MAST4: variants seen among roughly 807,000 people sequenced by gnomAD.
The protein encoded by MAST4 is microtubule-associated serine/threonine-protein kinase 4.
MAST4 carries 89 observed loss-of-function variants against 162.7 expected under a neutral mutation model. The observed-to-expected ratio is 0.55, with a 90% CI of 0.46 to 0.65. MAST4 has a LOEUF of 0.65. MAST4 is among the 30% of genes least tolerant of loss of function. MAST4 has a pLI of 0.00. For missense variants in MAST4, 3,153 were observed against 3,374.0 expected (o/e 0.93, Z 1.62); for synonymous variants, 1,479 against 1,361.1 (o/e 1.09, Z -1.91).
intron 1 of MAST4, among the ~76,000 whole-genome samples, chr5:66,680,354 G>T (rs559571104): frequency 6.6e-6 from 1 of 152,292 alleles, no homozygotes; most frequent in Non-Finnish European, 1.5e-5. Context: ...TGCTAACCCT[G>T]TATCTGTGCT....
intron 4 of MAST4, among the ~76,000 whole-genome samples, chr5:67,012,918 T>G (rs1752866853): frequency 6.6e-6 from 1 of 152,142 alleles, no homozygotes; most frequent in Admixed American, 6.5e-5. Flanking sequence ...ATGGTTTTAT[T>G]TTAAAGAAAA....
intron 19 of MAST4, among the ~76,000 whole-genome samples, chr5:67,141,425 C>A (rs1389330686): frequency 6.6e-6 from 1 of 152,060 alleles, no homozygotes; most frequent in Non-Finnish European, 1.5e-5. Flanking sequence ...TTTTTGATGA[C>A]CTGTCCTTTA....
At chr5:66,900,013 C>A (rs770391786) in intron 4 of MAST4, 31 bp downstream of exon 4, 2 of 1,428,370 alleles carry the variant, frequency 1.4e-6, no homozygotes, top group African/African-American at 1.5e-5. Context: ...TCCTTGTTTT[C>A]TTTTTATTAA....
rs1033704325 is a variant in MAST4 at position 67,165,680 on chromosome 5, C to G, written c.6501C>G (p.Pro2167=). 1.3e-6 allele frequency: 2 copies of G among 1,590,682 alleles called. No homozygotes were observed. The highest frequency in any genetic ancestry group is 2.7e-5 in the African/African-American group (2 of 74,242). The change falls in exon 29 of 29, where the codon CCC becomes CCG. Residue 2167 remains proline, a synonymous_variant. Transcript: ENST00000403625. The stretch of plus-strand genomic sequence containing the variant: ...CTGGCAGAGAGCCGGGGGCCAAGCC[C>G]AGCACTGCAGAGCCCAGCTCGAGCC... ...HASGREPGAK[P]STAEPSSSPQ...
At chr5:66,837,048 G>GTGTGTGTGTGTGTGTGTGTGTGTGTGTA (rs1758023705) in intron 3 of MAST4, among the ~76,000 whole-genome samples, 1 of 151,914 alleles carries the variant, frequency 6.6e-6, no homozygotes, top group African/African-American at 2.4e-5. Context: ...GTGTGTGTGT[G>GTGTGTGTGTGTGTGTGTGTGTGTGTGTA]TGTGTATGTA....
At chr5:67,047,213 A>G (rs989533925) in intron 4 of MAST4, among the ~76,000 whole-genome samples, 1 of 152,230 alleles carries the variant, frequency 6.6e-6, no homozygotes, top group African/African-American at 2.4e-5. Context: ...TTCTCTAAAA[A>G]CAAAAGTCAG....
intron 3 of MAST4, among the ~76,000 whole-genome samples, chr5:66,839,762 G>C (rs927790627): frequency 1.3e-5 from 2 of 152,136 alleles, no homozygotes; most frequent in Non-Finnish European, 2.9e-5. Context: ...TGAACAGTGA[G>C]TGAATTTAAA....
At chr5:66,925,943 ATT>A (rs71610545) in intron 4 of MAST4, among the ~76,000 whole-genome samples, 1 of 145,892 alleles carries the variant, frequency 6.9e-6, no homozygotes, top group African/African-American at 2.5e-5. Context: ...GCCTAGTACA[ATT>A]TTTTTTTTTT....
chr5:66,721,101 C>G (rs900564585), intron 1 of MAST4, among the ~76,000 whole-genome samples: 4 of 152,202 alleles, frequency 2.6e-5, no homozygotes, highest in African/African-American at 4.8e-5. Flanking sequence ...CTTACACCAT[C>G]AGACTTTCCT....
At chr5:66,630,215 C>T (rs1166810979) in intron 1 of MAST4, among the ~76,000 whole-genome samples, 1 of 152,166 alleles carries the variant, frequency 6.6e-6, no homozygotes, top group Admixed American at 6.5e-5. Flanking sequence ...AACCACTGCT[C>T]TAGGATGTCA....
intron 1 of MAST4, among the ~76,000 whole-genome samples, chr5:66,612,638 C>T (rs1291645943): frequency 2.0e-5 from 3 of 152,188 alleles, no homozygotes; most frequent in Admixed American, 6.5e-5. Context: ...TGAATGTGCA[C>T]AGTGCACTAT....
chr5:67,108,874 T>G (rs1004447578), intron 10 of MAST4, among the ~76,000 whole-genome samples: 1 of 152,166 alleles, frequency 6.6e-6, no homozygotes, highest in African/African-American at 2.4e-5. Flanking sequence ...TGTTTATTAC[T>G]GTGTTTGTGA....
intron 4 of MAST4, among the ~76,000 whole-genome samples, chr5:66,941,739 A>T (rs1056888363): frequency 6.6e-6 from 1 of 152,152 alleles, no homozygotes; most frequent in East Asian, 1.9e-4. Flanking sequence ...GACATTCCTC[A>T]TGAAACATAA....
At chr5:66,915,711 G>C (rs1406134331) in intron 4 of MAST4, among the ~76,000 whole-genome samples, 1 of 152,112 alleles carries the variant, frequency 6.6e-6, no homozygotes, top group Non-Finnish European at 1.5e-5. Context: ...GGTCAGTGCT[G>C]TCTTGGGGAC....
chr5:66,956,224 T>A (rs768872981), intron 4 of MAST4, among the ~76,000 whole-genome samples: 37 of 152,320 alleles, frequency 2.4e-4, no homozygotes, highest in Non-Finnish European at 1.8e-4. Flanking sequence ...CTTTTGCTGA[T>A]CACGTCTCTG....
intron 1 of MAST4, among the ~76,000 whole-genome samples, chr5:66,646,156 G>C (rs1488338992): frequency 6.6e-6 from 1 of 152,114 alleles, no homozygotes; most frequent in Non-Finnish European, 1.5e-5. Context: ...ACAACATGCA[G>C]TAGGTAAATG....
intron 5 of MAST4, among the ~76,000 whole-genome samples, chr5:67,082,042 T>G (rs1762713474): frequency 6.6e-6 from 1 of 152,180 alleles, no homozygotes; most frequent in South Asian, 2.1e-4. Flanking sequence ...ACTTCATCAC[T>G]TACATGATAT....
intron 23 of MAST4, among the ~76,000 whole-genome samples, chr5:67,148,961 ATAAGG>A (rs758488653): frequency 3.3e-5 from 5 of 152,330 alleles, no homozygotes; most frequent in Non-Finnish European, 5.9e-5. Flanking sequence ...CATCAGTATC[ATAAGG>A]TAATCACAGT....
In MAST4 at chr5:66,643,703, A is replaced by G. The variant is rs188362989; in HGVS notation, c.363+46685A>G. Among the ~76,000 whole-genome samples the G allele has an allele frequency of 1.5e-3, 228 of 151,584 alleles. 1 individual carries two copies. The highest frequency in any genetic ancestry group is 1.3e-3 in the Non-Finnish European group (91 of 67,810). On this transcript the variant is annotated intron_variant, in intron 1 of 28. Coordinates refer to ENST00000403625, the MANE Select transcript of MAST4 (RefSeq NM_001164664.2). Reference sequence around the variant, plus strand: ...AGTCAAAGTGAATTTCTTTTTTTTTAAACATCATACTCCTCTTGGTTCAAT... The same window carrying G: ...AGTCAAAGTGAATTTCTTTTTTTTTGAACATCATACTCCTCTTGGTTCAAT...
Sources: gnomAD v4.1 joint callset for allele counts (sites outside exome capture counted in the v4.1 genomes callset) on GRCh38, gnomAD v4.1.1 for gene constraint, MANE v1.5 for transcripts, NCBI Gene and HGNC (gene_info 2026-07-23, HGNC 2026-07-21) for gene names.